Variants in RBMS3 observed in about 807,000 individuals in gnomAD.
RBMS3 encodes RNA binding motif single stranded interacting protein 3.
In RBMS3, 27 loss-of-function variants were observed where a neutral mutation model predicts 66.8. The observed-to-expected ratio is 0.40, with a 90% confidence interval of 0.30 to 0.56. RBMS3 has a LOEUF of 0.56. RBMS3 is among the 20% of genes least tolerant of loss of function. RBMS3 has a pLI of 0.40. For missense variants in RBMS3, 513 were observed against 549.5 expected, an observed-to-expected ratio of 0.93 and a Z score of 0.66; for synonymous variants, 188 against 183.0, an observed-to-expected ratio of 1.03 and a Z score of -0.22.
At chr3:29,629,010 T>A (rs768734038) in intron 4 of RBMS3, among the ~76,000 whole-genome samples, 1 of 152,096 alleles carries the variant, frequency 6.6e-6, no homozygotes, top group Non-Finnish European at 1.5e-5. Context: ...TGGGGTTTTC[T>A]TCCAAACCAC....
intron 1 of RBMS3, among the ~76,000 whole-genome samples, chr3:29,297,884 T>C (rs1294951586): frequency 6.6e-6 from 1 of 151,896 alleles, no homozygotes; most frequent in African/African-American, 2.4e-5. Flanking sequence ...GCACTGGCTT[T>C]GGGTGTGGTA....
intron 4 of RBMS3, among the ~76,000 whole-genome samples, chr3:29,662,828 G>C (rs1653865556): frequency 1.3e-5 from 2 of 152,144 alleles, no homozygotes; most frequent in African/African-American, 4.8e-5. Context: ...CAAAGCTTGT[G>C]CTGCCCATCT....
intron 4 of RBMS3, among the ~76,000 whole-genome samples, chr3:29,607,973 G>A (rs903143491): frequency 1.3e-5 from 2 of 151,868 alleles, no homozygotes; most frequent in African/African-American, 4.8e-5. Context: ...ATACACAAAA[G>A]CAGAGAAAAT....
intron 6 of RBMS3, among the ~76,000 whole-genome samples, chr3:29,828,719 G>A (rs1052735079): frequency 6.6e-6 from 1 of 152,176 alleles, no homozygotes; most frequent in African/African-American, 2.4e-5. Context: ...AACAGATGTT[G>A]GATTGGAAAC....
In RBMS3 at chr3:29,372,930, C is replaced by T. The variant is rs76562563; in HGVS notation, c.76-61813C>T. Among the ~76,000 whole-genome samples the T allele has an allele frequency of 4.4e-3, 665 of 151,032 alleles. 7 individuals carry two copies. The highest frequency in any genetic ancestry group is 0.015 in the African/African-American group (632 of 41,226). ...AAACGCCTTGAAACCATTAGAGTGGCGCCTGGAATATAGTAAGTGCTCATT... is the reference window on the plus strand; with the variant it reads ...AAACGCCTTGAAACCATTAGAGTGGTGCCTGGAATATAGTAAGTGCTCATT... On this transcript the variant is annotated intron_variant, in intron 1 of 14. Transcript: ENST00000383767.
intron 1 of RBMS3, among the ~76,000 whole-genome samples, chr3:29,434,212 C>T (rs1271729401): frequency 1.3e-5 from 2 of 152,168 alleles, no homozygotes; most frequent in Admixed American, 1.3e-4. Flanking sequence ...TGGTTTCATT[C>T]ATTCAGTCAT....
At chr3:29,782,424 G>C (rs115128181) in intron 6 of RBMS3, among the ~76,000 whole-genome samples, 1 of 152,184 alleles carries the variant, frequency 6.6e-6, no homozygotes, top group African/African-American at 2.4e-5. Flanking sequence ...AGATCCAGGA[G>C]AGCAATAACA....
intron 3 of RBMS3, among the ~76,000 whole-genome samples, chr3:29,540,978 G>A (rs952378315): frequency 7.2e-5 from 11 of 152,050 alleles, no homozygotes; most frequent in African/African-American, 9.7e-5. Flanking sequence ...GCAAATACCC[G>A]CAGCTAATCT....
chr3:29,984,049 G>C (rs1375357751), intron 12 of RBMS3, among the ~76,000 whole-genome samples: 2 of 152,098 alleles, frequency 1.3e-5, no homozygotes, highest in Non-Finnish European at 2.9e-5. Flanking sequence ...CAGTACACCA[G>C]TCAAACGTAG....
chr3:29,535,786 G>C (rs575787218), intron 3 of RBMS3, among the ~76,000 whole-genome samples: 1 of 124,216 alleles, frequency 8.1e-6, no homozygotes, highest in Non-Finnish European at 1.6e-5. Context: ...GAGGTATTCA[G>C]GATGGTGAGT....
At position 29,353,627 on chromosome 3, in the gene RBMS3, A is replaced by G. The variant is rs1045163239; in HGVS notation, c.75+71871A>G. On this transcript the variant is annotated intron_variant, in intron 1 of 14. Coordinates refer to ENST00000383767, the MANE Select transcript of RBMS3 (RefSeq NM_001003793.3). ...CATGGAATCTCTGTATAGCAAATCA[A>G]ATAGAGTTATGTATTTTTTACTTGA... Among the ~76,000 whole-genome samples, 3 of 152,180 alleles carry G rather than the reference A, an allele frequency of 2.0e-5. No homozygotes were observed. The East Asian group carries it at 5.8e-4, about 29-fold the overall frequency.
At chr3:29,559,132 C>T (rs59132320) in intron 3 of RBMS3, among the ~76,000 whole-genome samples, 2 of 151,868 alleles carry the variant, frequency 1.3e-5, no homozygotes, top group Non-Finnish European at 1.5e-5. Context: ...AAAATTGTTG[C>T]CAGTGATTAT....
chr3:29,825,050 T>G (rs1179152944), intron 6 of RBMS3, among the ~76,000 whole-genome samples: 1 of 152,002 alleles, frequency 6.6e-6, no homozygotes, highest in Non-Finnish European at 1.5e-5. Flanking sequence ...TCTTTTTTTT[T>G]TTTTTTGACA....
intron 4 of RBMS3, among the ~76,000 whole-genome samples, chr3:29,624,802 A>G (rs535518048): frequency 3.9e-5 from 6 of 152,326 alleles, no homozygotes; most frequent in African/African-American, 1.4e-4. Flanking sequence ...AAAGGAATAT[A>G]GAAGGTTCAG....
At chr3:29,450,242 A>G (rs1283155485) in intron 2 of RBMS3, among the ~76,000 whole-genome samples, 2 of 152,178 alleles carry the variant, frequency 1.3e-5, no homozygotes, top group South Asian at 2.1e-4. Flanking sequence ...GTGAGCAAGG[A>G]TTGACCACTG....
intron 4 of RBMS3, among the ~76,000 whole-genome samples, chr3:29,728,748 T>C (rs1032866707): frequency 1.3e-5 from 2 of 152,168 alleles, no homozygotes; most frequent in African/African-American, 2.4e-5. Context: ...ATCTACTATA[T>C]GCCATCCTTC....
At chr3:29,645,478 T>C (rs533506647) in intron 4 of RBMS3, among the ~76,000 whole-genome samples, 1 of 152,344 alleles carries the variant, frequency 6.6e-6, no homozygotes, top group Non-Finnish European at 1.5e-5. Context: ...TTATGAATTA[T>C]CAGGCTGCCT....
chr3:29,965,860 G>T (rs1696806157), intron 12 of RBMS3, among the ~76,000 whole-genome samples: 1 of 152,110 alleles, frequency 6.6e-6, no homozygotes, highest in Admixed American at 6.6e-5. Context: ...TATAATTTCA[G>T]GTCTTAGGTT....
intron 3 of RBMS3, among the ~76,000 whole-genome samples, chr3:29,527,916 TAAAAA>T (rs1202920237): frequency 6.7e-6 from 1 of 149,284 alleles, no homozygotes; most frequent in South Asian, 2.1e-4. Flanking sequence ...TAAAGTATAA[TAAAAA>T]AATAAATAAA....
Sources: allele counts gnomAD v4.1 joint callset (sites outside exome capture counted in the v4.1 genomes callset), GRCh38; gene constraint gnomAD v4.1.1; transcripts MANE v1.5; gene names NCBI Gene and HGNC (gene_info 2026-07-23, HGNC 2026-07-21).